HS3ST3A1: variants seen among roughly 807,000 people sequenced by gnomAD.
HS3ST3A1 encodes the protein heparan sulfate glucosamine 3-O-sulfotransferase 3A1.
In HS3ST3A1, 19 loss-of-function variants were observed where a neutral mutation model predicts 25.7. The ratio of observed to expected loss-of-function variants is 0.74; its 90% CI spans 0.52 to 1.08. The LOEUF is 1.08. Among genes scored for constraint, HS3ST3A1 ranks in the 50% least tolerant of loss-of-function variants. The pLI is 0.00. For synonymous variants in HS3ST3A1, 226 were observed against 278.6 expected (o/e 0.81, Z 1.88); for missense variants, 459 against 594.3 (o/e 0.77, Z 2.37).
intron 1 of HS3ST3A1, among the ~76,000 whole-genome samples, chr17:13,509,401 T>A (rs570742109): frequency 5.8e-4 from 88 of 152,318 alleles, no homozygotes; most frequent in African/African-American, 1.9e-3. Flanking sequence ...AAAGTGAGTG[T>A]ATTTCAGTAA....
At chr17:13,514,364 C>A (rs1905984627) in intron 1 of HS3ST3A1, among the ~76,000 whole-genome samples, 1 of 151,986 alleles carries the variant, frequency 6.6e-6, no homozygotes, top group Non-Finnish European at 1.5e-5. Flanking sequence ...AAATAAATAT[C>A]CATCTTTGAC....
chr17:13,572,118 T>C (rs1349941042), intron 1 of HS3ST3A1, among the ~76,000 whole-genome samples: 1 of 152,148 alleles, frequency 6.6e-6, no homozygotes, highest in Non-Finnish European at 1.5e-5. Context: ...GGTAACCAAA[T>C]GTTGCTGGAT....
chr17:13,523,790 C>T (rs1906324822), intron 1 of HS3ST3A1, among the ~76,000 whole-genome samples: 1 of 152,002 alleles, frequency 6.6e-6, no homozygotes, highest in Non-Finnish European at 1.5e-5. Context: ...ATCTAAAATT[C>T]ATTATTGTAG....
At chr17:13,518,388 T>C (rs768006056) in intron 1 of HS3ST3A1, among the ~76,000 whole-genome samples, 1 of 152,200 alleles carries the variant, frequency 6.6e-6, no homozygotes, top group Admixed American at 6.5e-5. Flanking sequence ...TAGTATTAGG[T>C]TACAAAACAA....
chr17:13,595,483 G>T (rs1009252862), intron 1 of HS3ST3A1, among the ~76,000 whole-genome samples: 3 of 152,124 alleles, frequency 2.0e-5, no homozygotes, highest in Admixed American at 6.5e-5. Flanking sequence ...ATTAGCAAAG[G>T]TTTTAAAGTG....
chr17:13,562,105 A>G (rs1907565217), intron 1 of HS3ST3A1, among the ~76,000 whole-genome samples: 1 of 152,160 alleles, frequency 6.6e-6, no homozygotes, highest in Admixed American at 6.5e-5. Flanking sequence ...CTATGTGAAT[A>G]AATAACGGAT....
chr17:13,561,176 C>T (rs1328873999), intron 1 of HS3ST3A1, among the ~76,000 whole-genome samples: 7 of 152,268 alleles, frequency 4.6e-5, no homozygotes, highest in Admixed American at 6.5e-5. Flanking sequence ...CTGGTATTTA[C>T]AAGCTCCCAG....
At chr17:13,531,390 G>A (rs756447327) in intron 1 of HS3ST3A1, among the ~76,000 whole-genome samples, 1 of 152,166 alleles carries the variant, frequency 6.6e-6, no homozygotes, top group Non-Finnish European at 1.5e-5. Flanking sequence ...TAATGGTGGA[G>A]TTTGGGTGGG....
chr17:13,552,745 A>G (rs1907278023), intron 1 of HS3ST3A1, among the ~76,000 whole-genome samples: 1 of 152,204 alleles, frequency 6.6e-6, no homozygotes, highest in African/African-American at 2.4e-5. Flanking sequence ...AAAGAAAGGC[A>G]CAGCTAAGAC....
chr17:13,571,595 CA>C lies in HS3ST3A1; in HGVS notation c.599+28935del, dbSNP rs1389818980. On this transcript the variant is annotated intron_variant, in intron 1 of 1. Coordinates refer to ENST00000284110, the MANE Select transcript of HS3ST3A1 (RefSeq NM_006042.3). ...CATATCCTCAGAGGGATCAGGAAAT[CA>C]AAAAGGGAATTAGTGCTGGAGAGAG... Among the ~76,000 whole-genome samples, 5 of 152,006 alleles carry C rather than the reference CA, an allele frequency of 3.3e-5. No individual in the cohort carries two copies. The South Asian group carries it at 1.0e-3, about 32-fold the overall frequency.
Position 13,594,126 on chromosome 17 carries a change from G to A in HS3ST3A1, c.599+6405C>T, listed in dbSNP as rs564224531. On this transcript the variant is annotated intron_variant, in intron 1 of 1. Transcript: ENST00000284110. The stretch of plus-strand genomic sequence containing the variant: ...TTTCTCAGGGCTATACTGGGGTTAC[G>A]GATTTGGGGGAAGATTACCGCACAG... Among the ~76,000 whole-genome samples the A allele has an allele frequency of 3.9e-5, 6 of 152,284 alleles. No homozygotes were observed. In the East Asian group the frequency reaches 5.8e-4, roughly 15 times the overall value.
At chr17:13,517,335 T>C (rs1906089742) in intron 1 of HS3ST3A1, among the ~76,000 whole-genome samples, 1 of 152,328 alleles carries the variant, frequency 6.6e-6, no homozygotes, top group East Asian at 1.9e-4. Context: ...ATTGGCTACA[T>C]GAATAAAAAG....
At chr17:13,583,146 A>G (rs1020691933) in intron 1 of HS3ST3A1, among the ~76,000 whole-genome samples, 4 of 152,128 alleles carry the variant, frequency 2.6e-5, no homozygotes, top group Non-Finnish European at 5.9e-5. Flanking sequence ...GAATTTTAGG[A>G]CTCACAGAAG....
intron 1 of HS3ST3A1, among the ~76,000 whole-genome samples, chr17:13,514,062 C>T (rs1319603087): frequency 6.6e-6 from 1 of 151,736 alleles, no homozygotes; most frequent in East Asian, 1.9e-4. Flanking sequence ...GACCATTTCC[C>T]AGATGTTTAT....
At chr17:13,599,334 T>C (rs1308223883) in intron 1 of HS3ST3A1, among the ~76,000 whole-genome samples, 1 of 152,246 alleles carries the variant, frequency 6.6e-6, no homozygotes, top group African/African-American at 2.4e-5. Flanking sequence ...GTGGATTGAC[T>C]GTAAATTCGG....
chr17:13,592,785 T>C (rs1168405792), intron 1 of HS3ST3A1, among the ~76,000 whole-genome samples: 2 of 152,172 alleles, frequency 1.3e-5, no homozygotes, highest in Non-Finnish European at 2.9e-5. Flanking sequence ...TTCATTACTC[T>C]AGTCAACCAG....
At position 13,496,329 on chromosome 17, in the gene HS3ST3A1, G is replaced by A. The variant is rs767174231; in HGVS notation, c.1089C>T (p.Cys363=). Residue 363 remains cysteine, a synonymous_variant, in exon 2 of 2, where the codon TGC becomes TGT. Transcript: ENST00000284110. ...GGGTCCTGCCCTTGGTCTTGCCCAG[G>A]CAATGGGGCCGGCTGCTGCCCTCCG... The part of the protein sequence containing the change: ...KKAEGSSRPH[C]LGKTKGRTHP... 1.3e-6 allele frequency: 2 copies of A among 1,553,322 alleles called. No individual in the cohort carries two copies. Among genetic ancestry groups the A allele is most frequent in the Non-Finnish European group, 1.7e-6 (2 of 1,146,308 alleles).
intron 1 of HS3ST3A1, among the ~76,000 whole-genome samples, chr17:13,498,231 T>C (rs1035623477): frequency 6.6e-6 from 1 of 152,154 alleles, no homozygotes; most frequent in Non-Finnish European, 1.5e-5. Context: ...TTCCTCAATC[T>C]CTTGGGCAAT....
intron 1 of HS3ST3A1, among the ~76,000 whole-genome samples, chr17:13,564,719 C>CTTTT (rs397812904): frequency 3.2e-5 from 4 of 124,314 alleles, no homozygotes; most frequent in African/African-American, 6.1e-5. Context: ...GACTTCTTTC[C>CTTTT]TTTTTTTTTT....
Sources: gnomAD v4.1 joint callset for allele counts (sites outside exome capture counted in the v4.1 genomes callset) on GRCh38, gnomAD v4.1.1 for gene constraint, MANE v1.5 for transcripts, NCBI Gene and HGNC (gene_info 2026-07-23, HGNC 2026-07-21) for gene names.